MOSMO: variants seen among roughly 807,000 people sequenced by gnomAD.
MOSMO encodes modulator of smoothened.
Under a neutral mutation model 18.4 loss-of-function variants are expected in MOSMO, and 5 were observed. The ratio of observed to expected loss-of-function variants is 0.27; its 90% confidence interval spans 0.14 to 0.57. The LOEUF (loss-of-function observed/expected upper bound fraction) is 0.57. Ranked by LOEUF, MOSMO falls within the 20% of genes least tolerant of loss-of-function variation. The pLI, the probability that MOSMO is intolerant of heterozygous loss-of-function variation, is 0.92. For missense variants in MOSMO, 138 were observed against 211.8 expected (o/e 0.65, Z 2.16); for synonymous variants, 82 against 82.3 (o/e 1.00, Z 0.02).
Position 22,082,057 on chromosome 16 carries a change from A to G in MOSMO, c.*1177A>G, listed in dbSNP as rs953273215. 4 of 152,150 alleles carry G rather than the reference A, an allele frequency of 2.6e-5. No homozygotes were observed. Among genetic ancestry groups the G allele is most frequent in the African/African-American group, 9.7e-5 (4 of 41,430 alleles). The allele number at this position is 152,150 out of a possible 1,614,324, so 9.4% of individuals were successfully genotyped here. ...GCTCAGTCTGTTACATTAATAATGCATTTTATATGTTCAGGCACACTTTAC... is the reference window on the plus strand; with the variant it reads ...GCTCAGTCTGTTACATTAATAATGCGTTTTATATGTTCAGGCACACTTTAC... On this transcript the variant is annotated 3_prime_UTR_variant, in exon 3 of 3. Coordinates refer to ENST00000542527, the MANE Select transcript of MOSMO (RefSeq NM_001164579.2).
At chr16:22,075,253 G>A in intron 1 of MOSMO, 1 of 628,098 alleles carries the variant, frequency 1.6e-6, no homozygotes, top group Non-Finnish European at 2.9e-6. Context: ...TGAGTGAACT[G>A]CCTGTTATGA....
intron 1 of MOSMO, among the ~76,000 whole-genome samples, chr16:22,065,131 A>T (rs1045799687): frequency 5.3e-5 from 8 of 152,292 alleles, no homozygotes; most frequent in East Asian, 3.9e-4. Context: ...AGGGAGCAAG[A>T]GCTAATAAGC....
intron 1 of MOSMO, among the ~76,000 whole-genome samples, chr16:22,048,284 C>G (rs775751076): frequency 6.6e-6 from 1 of 152,070 alleles, no homozygotes. Context: ...GGGTTGTGAA[C>G]GATTAAATGA....
At chr16:22,015,263 C>A (rs1468249612) in intron 1 of MOSMO, among the ~76,000 whole-genome samples, 1 of 150,070 alleles carries the variant, frequency 6.7e-6, no homozygotes, top group East Asian at 1.9e-4. Flanking sequence ...TTTTTTTTTT[C>A]TTTAAGAGAC....
At chr16:22,032,899 A>G (rs1485563094) in intron 1 of MOSMO, among the ~76,000 whole-genome samples, 3 of 152,150 alleles carry the variant, frequency 2.0e-5, no homozygotes, top group Admixed American at 1.3e-4. Flanking sequence ...ATTCTTTTGC[A>G]TGTGAATATC....
At chr16:22,088,227 T>C (rs1332290447), downstream of MOSMO, among the ~76,000 whole-genome samples, 1 of 152,176 alleles carries the variant, frequency 6.6e-6, no homozygotes, top group East Asian at 1.9e-4. Flanking sequence ...GATGGGGGTC[T>C]CAGTATGTTG....
chr16:22,070,095 C>CT (rs35183541), intron 1 of MOSMO, among the ~76,000 whole-genome samples: 3,685 of 152,168 alleles, frequency 0.024, 76 homozygotes, highest in Non-Finnish European at 0.04. Flanking sequence ...ATGGCCTCTA[C>CT]TTTTTTCTGA....
intron 1 of MOSMO, among the ~76,000 whole-genome samples, chr16:22,056,540 T>TTA (rs1164965988): frequency 3.7e-4 from 56 of 149,950 alleles, no homozygotes; most frequent in African/African-American, 8.3e-4. Context: ...CCGGTTAATT[T>TTA]TATATATATA....
chr16:22,089,200 T>G (rs1811733898), downstream of MOSMO, among the ~76,000 whole-genome samples: 1 of 152,104 alleles, frequency 6.6e-6, no homozygotes, highest in African/African-American at 2.4e-5. Flanking sequence ...CCCAAGTAGC[T>G]GGGACCACAG....
intron 1 of MOSMO, among the ~76,000 whole-genome samples, chr16:22,033,392 T>C (rs1037762358): frequency 2.0e-5 from 3 of 152,042 alleles, no homozygotes; most frequent in African/African-American, 7.2e-5. Flanking sequence ...TGTACTTTTT[T>C]TGTTTGTTTT....
chr16:22,070,459 T>G (rs990801868), intron 1 of MOSMO, among the ~76,000 whole-genome samples: 1 of 151,662 alleles, frequency 6.6e-6, no homozygotes, highest in East Asian at 1.9e-4. Flanking sequence ...GGGAAAGACA[T>G]GAAGGCAAGA....
intron 2 of MOSMO, among the ~76,000 whole-genome samples, chr16:22,078,106 G>T (rs1194177027): frequency 1.3e-5 from 2 of 151,988 alleles, no homozygotes; most frequent in Admixed American, 1.3e-4. Flanking sequence ...GAGTCGTCCT[G>T]TTCTTCAAGT....
chr16:22,032,518 T>C (rs1366230458), intron 1 of MOSMO, among the ~76,000 whole-genome samples: 1 of 152,138 alleles, frequency 6.6e-6, no homozygotes, highest in Non-Finnish European at 1.5e-5. Context: ...ATTGGATTAC[T>C]TGTCTTTAAT....
chr16:22,090,323 CT>C (rs1901276078), downstream of MOSMO: 1 of 152,212 alleles, frequency 6.6e-6, no homozygotes, highest in South Asian at 2.1e-4. Flanking sequence ...AGAACTATCT[CT>C]GGATTCTTGT....
Position 22,080,845 on chromosome 16 carries a change from C to G in MOSMO, c.469C>G (p.Leu157Val). Residue 157 changes from leucine (L) to valine (V), a missense_variant, in exon 3 of 3, where the codon CTT becomes GTT. By Grantham distance (32) the Leu-to-Val change is conservative (BLOSUM62 1). Coordinates refer to ENST00000542527, the MANE Select transcript of MOSMO (RefSeq NM_001164579.2). The stretch of plus-strand genomic sequence containing the variant: ...ATCAATTTTCTTTACAATAGTAGGA[C>G]TTCTATTTGCTGGCAAAGTTTGTTT... The part of the protein sequence containing the change: ...VLSIFFTIVG[L>V]LFAGKVCLPG 1 of 1,422,516 alleles carries G rather than the reference C, an allele frequency of 7.0e-7. No individual in the cohort carries two copies. The highest frequency in any genetic ancestry group is 9.2e-7 in the Non-Finnish European group (1 of 1,091,324). 88.1% of individuals were successfully genotyped at this position (1,422,516 alleles called of 1,614,324 possible). A position where few individuals can be genotyped will look rare whatever the true frequency, so the allele number is the denominator to read the frequency against.
intron 1 of MOSMO, among the ~76,000 whole-genome samples, chr16:22,008,740 T>A (rs1899449425): frequency 3.5e-5 from 2 of 57,226 alleles, no homozygotes; most frequent in African/African-American, 1.3e-4. Flanking sequence ...AGCTTCGTTC[T>A]GGATTAAAAA....
chr16:22,065,036 C>G (rs780034365), intron 1 of MOSMO, among the ~76,000 whole-genome samples: 1 of 152,182 alleles, frequency 6.6e-6, no homozygotes, highest in Non-Finnish European at 1.5e-5. Context: ...GCATGTTGTA[C>G]TTGTCAATAA....
chr16:22,070,140 G>C (rs1900820068), intron 1 of MOSMO, among the ~76,000 whole-genome samples: 6 of 152,128 alleles, frequency 3.9e-5, no homozygotes, highest in Admixed American at 3.9e-4. Flanking sequence ...TGAATATGAA[G>C]GAAGTGGTAG....
intron 1 of MOSMO, among the ~76,000 whole-genome samples, chr16:22,058,502 G>A (rs1368470013): frequency 2.6e-5 from 4 of 152,000 alleles, no homozygotes; most frequent in African/African-American, 4.8e-5. Flanking sequence ...TAAGAAATGA[G>A]TGCTGAGAAT....
Sources: gnomAD v4.1 joint callset for allele counts (sites outside exome capture counted in the v4.1 genomes callset) on GRCh38, gnomAD v4.1.1 for gene constraint, MANE v1.5 for transcripts, NCBI Gene and HGNC (gene_info 2026-07-23, HGNC 2026-07-21) for gene names.